Variants in CFAP144 observed in about 807,000 individuals in gnomAD.
CFAP144 encodes cilia- and flagella-associated protein 144.
chr1:43,145,247 G>C, the CFAP144 span: 1 of 1,549,786 alleles, frequency 6.5e-7, no homozygotes, highest in South Asian at 1.2e-5. Context: ...CATTGACAGA[G>C]AATGAAGAGG....
chr1:43,147,924 G>C, the CFAP144 span: 5 of 1,611,898 alleles, frequency 3.1e-6, no homozygotes, highest in Non-Finnish European at 4.2e-6. Context: ...GAAGGCCCAG[G>C]CAAGAGGGCG....
chr1:43,148,152 G>T, the CFAP144 span: 1 of 1,530,208 alleles, frequency 6.5e-7, no homozygotes. Context: ...GAGCCCTCCG[G>T]GTTGCGGGGT....
At chr1:43,149,834 G>C in the CFAP144 span, among the ~76,000 whole-genome samples, 1 of 152,032 alleles carries the variant, frequency 6.6e-6, no homozygotes. Context: ...ATATTTTAAG[G>C]GCGCATGCTC....
chr1:43,150,120 C>A, the CFAP144 span, among the ~76,000 whole-genome samples: 1 of 152,212 alleles, frequency 6.6e-6, no homozygotes, highest in South Asian at 2.1e-4. Flanking sequence ...ATCCACGTAA[C>A]CTGCTTTACT....
chr1:43,144,080 C>A, the CFAP144 span, among the ~76,000 whole-genome samples: 1 of 152,222 alleles, frequency 6.6e-6, no homozygotes, highest in Non-Finnish European at 1.5e-5. Context: ...TAATTTCTTC[C>A]CATTTTCCCA....
chr1:43,143,475 A>G, the CFAP144 span, among the ~76,000 whole-genome samples: 1 of 152,202 alleles, frequency 6.6e-6, no homozygotes, highest in Non-Finnish European at 1.5e-5. Flanking sequence ...TAAAAATACC[A>G]GAGAGAATAG....
the CFAP144 span, chr1:43,147,887 G>T: frequency 1.6e-5 from 25 of 1,592,068 alleles, no homozygotes; most frequent in Middle Eastern, 1.7e-4. Flanking sequence ...CCTGGAGACA[G>T]CGGGGACGCG....
the CFAP144 span, among the ~76,000 whole-genome samples, chr1:43,151,866 G>C: frequency 6.6e-6 from 1 of 152,190 alleles, no homozygotes; most frequent in Non-Finnish European, 1.5e-5. Context: ...GGTGTTATCT[G>C]TAGTGCACTC....
the CFAP144 span, among the ~76,000 whole-genome samples, chr1:43,152,425 C>T: frequency 2.8e-4 from 42 of 152,128 alleles, no homozygotes; most frequent in Non-Finnish European, 8.8e-5. Context: ...GGCCTTCTCT[C>T]GCCACCCCAT....
At chr1:43,152,643 T>C in the CFAP144 span, 1 of 561,172 alleles carries the variant, frequency 1.8e-6, no homozygotes, top group Non-Finnish European at 3.1e-6. Flanking sequence ...GCACAGAGTT[T>C]GAGCTCACCA....
the CFAP144 span, among the ~76,000 whole-genome samples, chr1:43,151,193 T>TA: frequency 8.3e-4 from 127 of 152,304 alleles, no homozygotes; most frequent in Admixed American, 1.4e-3. Flanking sequence ...TGCTACTCAT[T>TA]AACTGTAACA....
the CFAP144 span, chr1:43,150,631 A>T: frequency 1.3e-6 from 1 of 755,176 alleles, no homozygotes; most frequent in South Asian, 1.6e-5. Context: ...CCTAGCACCC[A>T]GGATAATACC....
chr1:43,151,575 A>G, the CFAP144 span, among the ~76,000 whole-genome samples: 14 of 152,324 alleles, frequency 9.2e-5, no homozygotes, highest in East Asian at 2.1e-3. Flanking sequence ...ATAGAAAGTT[A>G]CAGAAATGAG....
chr1:43,148,007 T>A, the CFAP144 span: 1 of 1,613,966 alleles, frequency 6.2e-7, no homozygotes, highest in Non-Finnish European at 8.5e-7. Flanking sequence ...CAGAACCAGA[T>A]CTTGCGGGAA....
At chr1:43,146,052 T>A in the CFAP144 span, among the ~76,000 whole-genome samples, 2 of 152,172 alleles carry the variant, frequency 1.3e-5, no homozygotes, top group Non-Finnish European at 2.9e-5. Flanking sequence ...TAAGCTGGAT[T>A]CCTACCTCAC....
the CFAP144 span, among the ~76,000 whole-genome samples, chr1:43,151,193 T>G: frequency 6.6e-6 from 1 of 152,186 alleles, no homozygotes; most frequent in African/African-American, 2.4e-5. Context: ...TGCTACTCAT[T>G]AACTGTAACA....
the CFAP144 span, among the ~76,000 whole-genome samples, chr1:43,151,857 G>A: frequency 6.6e-6 from 1 of 152,120 alleles, no homozygotes; most frequent in Non-Finnish European, 1.5e-5. Flanking sequence ...AGGCAATAAG[G>A]TGTTATCTGT....
the CFAP144 span, among the ~76,000 whole-genome samples, chr1:43,149,820 A>T: frequency 6.2e-4 from 95 of 152,314 alleles, no homozygotes; most frequent in African/African-American, 2.2e-3. Flanking sequence ...CTATATAATT[A>T]TACATATTTT....
chr1:43,147,924 G>A, the CFAP144 span: 1 of 1,612,016 alleles, frequency 6.2e-7, no homozygotes, highest in South Asian at 1.1e-5. Context: ...GAAGGCCCAG[G>A]CAAGAGGGCG....
Sources: allele counts gnomAD v4.1 joint callset (sites outside exome capture counted in the v4.1 genomes callset), GRCh38; gene constraint gnomAD v4.1.1; transcripts MANE v1.5; gene names NCBI Gene and HGNC (gene_info 2026-07-23, HGNC 2026-07-21).